The following TMED3 variants were observed in gnomAD, a reference collection of about 807,000 sequenced individuals.
TMED3 encodes transmembrane p24 trafficking protein 3.
TMED3 carries 9 observed loss-of-function variants against 15.0 expected under a neutral mutation model. That is an observed-to-expected ratio of 0.60 (90% CI 0.36 to 1.04). The LOEUF is 1.04. TMED3 is among the 50% of genes least tolerant of loss of function. The probability of loss-of-function intolerance (pLI) is 0.01; values close to 1 mark genes in which losing one functional copy is unlikely to be tolerated. For synonymous variants in TMED3, 117 were observed against 121.4 expected, an observed-to-expected ratio of 0.96 and a Z score of 0.24; for missense variants, 267 against 278.9, an observed-to-expected ratio of 0.96 and a Z score of 0.30.
chr15:79,319,748 G>A (rs1322813051), intron 2 of TMED3, among the ~76,000 whole-genome samples: 3 of 152,134 alleles, frequency 2.0e-5, no homozygotes, highest in African/African-American at 7.2e-5. Context: ...GTAAGGTCAC[G>A]TGTCCACTGG....
chr15:79,333,378 A>G (rs941835009), intron 2 of TMED3, among the ~76,000 whole-genome samples: 1 of 152,150 alleles, frequency 6.6e-6, no homozygotes, highest in Non-Finnish European at 1.5e-5. Flanking sequence ...CTCACCACCA[A>G]ACTGCAAACT....
chr15:79,412,752 T>C (rs954901551), exon 3 of TMED3: 1 of 152,516 alleles, frequency 6.6e-6, no homozygotes, highest in Admixed American at 6.5e-5. Flanking sequence ...CACTGGCACA[T>C]GTGAATGAGG....
chr15:79,385,514 G>C (rs1168749658), intron 2 of TMED3, among the ~76,000 whole-genome samples: 1 of 152,110 alleles, frequency 6.6e-6, no homozygotes, highest in African/African-American at 2.4e-5. Context: ...AGCTGCACCT[G>C]GGGAGTTCCC....
chr15:79,387,594 GCACACACACACA>G (rs60358297), intron 2 of TMED3, among the ~76,000 whole-genome samples: 1 of 149,306 alleles, frequency 6.7e-6, no homozygotes, highest in Non-Finnish European at 1.5e-5. Flanking sequence ...ACATGCACCT[GCACACACACACA>G]CACACACACA....
At chr15:79,387,610 A>G (rs1284043892) in intron 2 of TMED3, among the ~76,000 whole-genome samples, 1 of 151,942 alleles carries the variant, frequency 6.6e-6, no homozygotes. Flanking sequence ...ACACACACAC[A>G]CACACACACA....
chr15:79,406,527 T>C (rs1209522240), intron 2 of TMED3, among the ~76,000 whole-genome samples: 1 of 152,048 alleles, frequency 6.6e-6, no homozygotes, highest in Admixed American at 6.5e-5. Context: ...TATCTAAGAG[T>C]GCACACATAC....
Position 79,354,328 on chromosome 15 carries a change from C to T in TMED3, c.417+40323C>T, listed in dbSNP as rs186728066. ...AGCCATAATCTAGAACATCCAAGTC[C>T]TTGACCAACAGTTTCCTTAAGTACA... On this transcript the variant is annotated intron_variant, in intron 2 of 2. Coordinates refer to the TMED3 transcript ENST00000424155. Among the ~76,000 whole-genome samples, 275 of 152,214 alleles carry T rather than the reference C, an allele frequency of 1.8e-3. 4 individuals carry two copies. Among genetic ancestry groups the T allele is most frequent in the African/African-American group, 6.4e-3 (265 of 41,556 alleles).
At chr15:79,326,941 C>G (rs187916867), downstream of TMED3, among the ~76,000 whole-genome samples, 12 of 152,254 alleles carry the variant, frequency 7.9e-5, no homozygotes, top group Non-Finnish European at 1.6e-4. Context: ...CAGGGTGCTT[C>G]CACTCATGGC....
At chr15:79,360,658 G>A (rs139353676) in intron 2 of TMED3, among the ~76,000 whole-genome samples, 26 of 151,812 alleles carry the variant, frequency 1.7e-4, no homozygotes, top group Non-Finnish European at 2.6e-4. Context: ...GATTATATAT[G>A]TCCAGCGATG....
rs1316003931 is a variant in TMED3 at position 79,322,257 on chromosome 15, G to A, written c.*43G>A. 3.8e-6 allele frequency: 6 copies of A among 1,585,518 alleles called. No homozygotes were observed. The highest frequency in any genetic ancestry group is 5.2e-6 in the Non-Finnish European group (6 of 1,164,546). On this transcript the variant is annotated 3_prime_UTR_variant, in exon 3 of 3. Coordinates refer to ENST00000299705, the MANE Select transcript of TMED3 (RefSeq NM_007364.4). Reference sequence around the variant, plus strand: ...AGGGCCCCTCATGCCCCAGGCTGGAGCAGCTCTCCTAGGTCACAGCCTGCT... The same window carrying A: ...AGGGCCCCTCATGCCCCAGGCTGGAACAGCTCTCCTAGGTCACAGCCTGCT...
At chr15:79,354,623 C>CAAA (rs60577285) in intron 2 of TMED3, among the ~76,000 whole-genome samples, 2 of 120,918 alleles carry the variant, frequency 1.7e-5, no homozygotes, top group African/African-American at 5.9e-5. Flanking sequence ...ATAGAAGAGG[C>CAAA]AAAAAAAAAA....
At chr15:79,406,808 A>G (rs1020783679) in intron 2 of TMED3, among the ~76,000 whole-genome samples, 3 of 152,152 alleles carry the variant, frequency 2.0e-5, no homozygotes, top group Non-Finnish European at 2.9e-5. Flanking sequence ...ATTACCGTCA[A>G]TCTCTGAAGC....
Position 79,313,762 on chromosome 15 carries a change from C to T in TMED3, c.174C>T (p.Ile58=), listed in dbSNP as rs1359771413. The change falls in exon 2 of 3, where the codon ATC becomes ATT. Residue 58 remains isoleucine, a synonymous_variant. Coordinates refer to ENST00000299705, the MANE Select transcript of TMED3 (RefSeq NM_007364.4). ...GVKFSLDYQV[I]TGGHYDVDCY... ...AATTTTTTTATGGTTGTCAGGTCAT[C>T]ACTGGAGGCCACTACGATGTTGACT... The T allele has an allele frequency of 6.2e-7, 1 of 1,613,052 alleles. No individual in the cohort carries two copies. The highest frequency in any genetic ancestry group is 8.5e-7 in the Non-Finnish European group (1 of 1,179,086).
intron 2 of TMED3, among the ~76,000 whole-genome samples, chr15:79,406,640 C>T (rs1314279510): frequency 2.6e-5 from 4 of 152,216 alleles, no homozygotes; most frequent in African/African-American, 9.6e-5. Context: ...ACTGACTTAA[C>T]TCTGGAAACT....
chr15:79,346,374 A>G (rs1302725445), intron 2 of TMED3, among the ~76,000 whole-genome samples: 1 of 152,196 alleles, frequency 6.6e-6, no homozygotes. Flanking sequence ...TAATTGAATC[A>G]TGGGGGCTAT....
chr15:79,317,561 C>T (rs180963204), intron 2 of TMED3, among the ~76,000 whole-genome samples: 43 of 152,274 alleles, frequency 2.8e-4, no homozygotes, highest in African/African-American at 8.7e-4. Flanking sequence ...GTGTTCTCTG[C>T]GGATTTGTAC....
intron 2 of TMED3, among the ~76,000 whole-genome samples, chr15:79,344,726 G>A (rs2058862965): frequency 6.6e-6 from 1 of 152,220 alleles, no homozygotes; most frequent in African/African-American, 2.4e-5. Context: ...CCAGCAAGAA[G>A]AGAACTGGTA....
intron 2 of TMED3, among the ~76,000 whole-genome samples, chr15:79,406,150 A>G (rs1200960352): frequency 6.6e-6 from 1 of 152,034 alleles, no homozygotes; most frequent in Non-Finnish European, 1.5e-5. Context: ...TCACACTTGC[A>G]CTCTTTCCAT....
At chr15:79,351,442 C>T (rs1460042533) in intron 2 of TMED3, among the ~76,000 whole-genome samples, 2 of 152,140 alleles carry the variant, frequency 1.3e-5, no homozygotes, top group African/African-American at 4.8e-5. Flanking sequence ...ATGAAAAAAC[C>T]TTTAATTACC....
Sources: allele counts gnomAD v4.1 joint callset (sites outside exome capture counted in the v4.1 genomes callset), GRCh38; gene constraint gnomAD v4.1.1; transcripts MANE v1.5; gene names NCBI Gene and HGNC (gene_info 2026-07-23, HGNC 2026-07-21).